TTC28: variants seen among roughly 807,000 people sequenced by gnomAD.
TTC28 encodes the protein tetratricopeptide repeat domain 28.
A neutral mutation model predicts 198.0 loss-of-function variants in TTC28; 61 were observed. That is an observed-to-expected ratio of 0.31 (90% CI 0.25 to 0.38). The LOEUF is 0.38. Among genes scored for constraint, TTC28 ranks in the 10% least tolerant of loss-of-function variants. The pLI, the probability that TTC28 is intolerant of heterozygous loss-of-function variation, is 1.00. For synonymous variants in TTC28, 1,171 were observed against 1,297.8 expected (o/e 0.90, Z 2.10); for missense variants, 2,678 against 3,164.0 (o/e 0.85, Z 3.69).
chr22:28,336,585 G>C lies in TTC28; in HGVS notation c.382-29942C>G, dbSNP rs559240563. ...GTCTTGGGAGGGTGTATGTATCGAGGAATTTATCCATTTCTTCTAGATTTT... is the reference window on the plus strand; with the variant it reads ...GTCTTGGGAGGGTGTATGTATCGAGCAATTTATCCATTTCTTCTAGATTTT... On this transcript the variant is annotated intron_variant, in intron 2 of 22. Transcript: ENST00000397906. 5.3e-5 allele frequency among the ~76,000 whole-genome samples: 8 copies of C among 152,146 alleles called. No individual in the cohort carries two copies. In the South Asian group the frequency reaches 1.5e-3, roughly 28 times the overall value.
intron 2 of TTC28, among the ~76,000 whole-genome samples, chr22:28,568,012 CA>C (rs2050007267): frequency 6.6e-6 from 1 of 150,938 alleles, no homozygotes; most frequent in African/African-American, 2.4e-5. Context: ...ACATAGAAAA[CA>C]AAAAAGGGGG....
chr22:28,163,679 G>A, intron 5 of TTC28, 80 bp from the exon 6 acceptor site: 1 of 1,434,908 alleles, frequency 7.0e-7, no homozygotes, highest in East Asian at 2.5e-5. Context: ...AAATTTTACA[G>A]GTTGCAAGAT....
In TTC28 at chr22:28,107,104, T is replaced by C; in HGVS notation, c.2741A>G (p.Gln914Arg). ...LSVAQSLNRM[Q>R]DQAKAYRGLG... ...GCCCCGGTAAGCCTTGGCTTGGTCT[T>C]GCATGCGATTCAGACTCTGCGCGAC... The change falls in exon 7 of 23, where the codon CAA becomes CGA. Residue 914 changes from glutamine to arginine, a missense_variant. Around this residue, in one of 8 missense-constraint regions of TTC28, gnomAD observed 775 missense variants for 845.9 expected, o/e 0.92. Transcript: ENST00000397906. 1 of 1,551,668 alleles carries C rather than the reference T, an allele frequency of 6.4e-7. No homozygotes were observed. Among genetic ancestry groups the C allele is most frequent in the Non-Finnish European group, 8.7e-7 (1 of 1,146,936 alleles).
At chr22:28,377,781 A>C (rs1200934205) in intron 2 of TTC28, among the ~76,000 whole-genome samples, 1 of 152,232 alleles carries the variant, frequency 6.6e-6, no homozygotes, top group Non-Finnish European at 1.5e-5. Context: ...AAGAATATCT[A>C]GCATTCAACA....
chr22:28,153,716 G>A (rs1943671559), intron 6 of TTC28, among the ~76,000 whole-genome samples: 1 of 152,134 alleles, frequency 6.6e-6, no homozygotes, highest in South Asian at 2.1e-4. Context: ...GAATGAACAG[G>A]TGAACAAATG....
chr22:28,042,722 TAA>T (rs56978450), intron 12 of TTC28, among the ~76,000 whole-genome samples: 5 of 139,128 alleles, frequency 3.6e-5, no homozygotes, highest in Admixed American at 7.1e-5. Context: ...GAACTTAAAT[TAA>T]AAAAAAAAAA....
chr22:28,653,518 C>A (rs1052595798), intron 1 of TTC28, among the ~76,000 whole-genome samples: 11 of 150,004 alleles, frequency 7.3e-5, no homozygotes, highest in Admixed American at 4.0e-4. Context: ...AAAAAAAAAA[C>A]CAACCCTACC....
intron 2 of TTC28, among the ~76,000 whole-genome samples, chr22:28,376,479 G>A (rs1569291097): frequency 6.6e-6 from 1 of 152,122 alleles, no homozygotes; most frequent in African/African-American, 2.4e-5. Context: ...GCAAGATGGA[G>A]TAACAGGGCA....
At chr22:28,574,270 C>A (rs1188794065) in intron 2 of TTC28, among the ~76,000 whole-genome samples, 1 of 152,134 alleles carries the variant, frequency 6.6e-6, no homozygotes, top group Non-Finnish European at 1.5e-5. Flanking sequence ...CTTCAGCCTC[C>A]CAGGGTGCTG....
Position 28,639,546 on chromosome 22 carries a change from A to C in TTC28, c.103-9716T>G, listed in dbSNP as rs554815657. On this transcript the variant is annotated intron_variant, in intron 1 of 22. Transcript: ENST00000397906. ...ATGTGTTGTGGGAGGGATTCCATGG[A>C]AGGTAACTGAATCATGGGAGCCAGT... Among the ~76,000 whole-genome samples the C allele has an allele frequency of 2.0e-5, 3 of 152,236 alleles. No homozygotes were observed. In the East Asian group the frequency reaches 5.8e-4, roughly 29 times the overall value.
At position 28,336,168 on chromosome 22, in the gene TTC28, C is replaced by T. The variant is rs189702543; in HGVS notation, c.382-29525G>A. 1.3e-4 allele frequency among the ~76,000 whole-genome samples: 20 copies of T among 152,270 alleles called. No individual in the cohort carries two copies. In the East Asian group the frequency reaches 3.9e-3, roughly 29 times the overall value. ...ATTGATTTGTGTATGCTGAACCAGCCTTGCATCCCAGGGATGAAGCCTGCT... is the reference window on the plus strand; with the variant it reads ...ATTGATTTGTGTATGCTGAACCAGCTTTGCATCCCAGGGATGAAGCCTGCT... On this transcript the variant is annotated intron_variant, in intron 2 of 22. Coordinates refer to ENST00000397906, the MANE Select transcript of TTC28 (RefSeq NM_001145418.2).
intron 1 of TTC28, 147 bp from the exon 2 acceptor site, chr22:28,629,977 G>T: frequency 1.5e-6 from 1 of 679,988 alleles, no homozygotes; most frequent in Non-Finnish European, 2.4e-6. Context: ...AGGTGTTTAG[G>T]TCATAGGAGT....
chr22:28,412,964 A>G (rs1285162943), intron 2 of TTC28, among the ~76,000 whole-genome samples: 2 of 152,186 alleles, frequency 1.3e-5, no homozygotes, highest in Non-Finnish European at 2.9e-5. Context: ...GTTCCTTTTC[A>G]CAATGAAATA....
At chr22:28,134,999 T>C (rs920133498) in intron 6 of TTC28, among the ~76,000 whole-genome samples, 2 of 152,256 alleles carry the variant, frequency 1.3e-5, no homozygotes, top group African/African-American at 4.8e-5. Context: ...TCAGTGTCAG[T>C]ATCCATTGGC....
At chr22:28,290,798 G>A (rs1423083430) in intron 5 of TTC28, among the ~76,000 whole-genome samples, 1 of 152,006 alleles carries the variant, frequency 6.6e-6, no homozygotes, top group Non-Finnish European at 1.5e-5. Flanking sequence ...CGTAGTCTCA[G>A]CTACTTGGGA....
intron 12 of TTC28, among the ~76,000 whole-genome samples, chr22:28,090,766 T>C (rs965126728): frequency 6.6e-6 from 1 of 152,218 alleles, no homozygotes; most frequent in Non-Finnish European, 1.5e-5. Context: ...GAAATTTTCT[T>C]ACTGTTTTCA....
intron 1 of TTC28, among the ~76,000 whole-genome samples, chr22:28,661,035 A>G (rs2051735248): frequency 6.6e-6 from 1 of 151,988 alleles, no homozygotes; most frequent in Non-Finnish European, 1.5e-5. Flanking sequence ...CTGTAATCCC[A>G]GCACTTTGGG....
At chr22:28,435,126 C>A (rs978217847) in intron 2 of TTC28, among the ~76,000 whole-genome samples, 11 of 152,158 alleles carry the variant, frequency 7.2e-5, no homozygotes, top group African/African-American at 2.7e-4. Flanking sequence ...CACAAGACTT[C>A]TCTAAAAATG....
chr22:28,198,236 G>A (rs548431306), intron 5 of TTC28, among the ~76,000 whole-genome samples: 1 of 152,224 alleles, frequency 6.6e-6, no homozygotes, highest in East Asian at 1.9e-4. Context: ...TTGTTTAGCA[G>A]CATCCCTGTC....
Sources: allele counts gnomAD v4.1 joint callset (sites outside exome capture counted in the v4.1 genomes callset), GRCh38; gene constraint gnomAD v4.1.1; regional missense constraint gnomAD v4.1.1; transcripts MANE v1.5; gene names NCBI Gene and HGNC (gene_info 2026-07-23, HGNC 2026-07-21).